Variants in KAZN observed in about 807,000 individuals in gnomAD.
KAZN encodes kazrin.
KAZN carries 40 observed loss-of-function variants against 87.4 expected under a neutral mutation model. The ratio of observed to expected loss-of-function variants is 0.46; its 90% CI spans 0.36 to 0.60. The LOEUF (loss-of-function observed/expected upper bound fraction) is 0.60, where lower values mean the gene tolerates loss of function less well. Ranked by LOEUF, KAZN falls within the 20% of genes least tolerant of loss-of-function variation. The pLI, the probability that KAZN is intolerant of heterozygous loss-of-function variation, is 0.00. For synonymous variants in KAZN, 466 were observed against 458.3 expected, an observed-to-expected ratio of 1.02 and a Z score of -0.22; for missense variants, 898 against 1,073.9, an observed-to-expected ratio of 0.84 and a Z score of 2.29.
chr1:14,728,816 C>T (rs201630868), intron 1 of KAZN, among the ~76,000 whole-genome samples: 15 of 152,172 alleles, frequency 9.9e-5, no homozygotes, highest in Non-Finnish European at 1.0e-4. Flanking sequence ...ACAGTGTCCT[C>T]ATCTGTAAAA....
chr1:14,143,416 G>A (rs1232895054), intron 1 of KAZN, among the ~76,000 whole-genome samples: 4 of 151,964 alleles, frequency 2.6e-5, no homozygotes, highest in African/African-American at 9.7e-5. Flanking sequence ...CTAATACTCT[G>A]GTTTTGTTAT....
intron 1 of KAZN, among the ~76,000 whole-genome samples, chr1:14,093,098 A>G (rs1360650572): frequency 6.6e-6 from 1 of 152,134 alleles, no homozygotes; most frequent in Non-Finnish European, 1.5e-5. Context: ...CTGTGCTCCC[A>G]TGGCGTGTGC....
At chr1:14,312,732 T>TG (rs1237235615) in intron 2 of KAZN, among the ~76,000 whole-genome samples, 2 of 152,134 alleles carry the variant, frequency 1.3e-5, no homozygotes, top group African/African-American at 4.8e-5. Flanking sequence ...GATGGTGACT[T>TG]CCATCTTGGT....
rs148806394 is a variant in KAZN, at chr1:15,056,091, G to A, written c.727G>A (p.Ala243Thr). 3 of 1,603,602 alleles carry A rather than the reference G, an allele frequency of 1.9e-6. No homozygotes were observed. The highest frequency in any genetic ancestry group is 2.6e-6 in the Non-Finnish European group (3 of 1,171,618). Reference sequence around the variant, plus strand: ...CTTCCTGTCTTCTTGCTCTCTCCAGGCCAAACAGTCCTTAGCTACGCTGAC... The same window carrying A: ...CTTCCTGTCTTCTTGCTCTCTCCAGACCAAACAGTCCTTAGCTACGCTGAC... ...MKELEAELAM[A>T]KQSLATLTKD... Residue 243 changes from alanine to threonine, a missense_variant and splice_region_variant, in exon 5 of 15, where the codon GCC becomes ACC. Physicochemically the swap from Ala to Thr is moderately conservative, Grantham distance 58. Transcript: ENST00000376030. This position sits in a 1 kb window ranked among gnomAD's most constrained non-coding sequence, Gnocchi z 5.4.
chr1:14,402,265 A>C (rs1238006772), intron 2 of KAZN, among the ~76,000 whole-genome samples: 1 of 151,814 alleles, frequency 6.6e-6, no homozygotes, highest in African/African-American at 2.4e-5. Flanking sequence ...TCGATGTTAT[A>C]GGAAAAATAG....
chr1:13,984,765 A>AT (rs887823981), intron 1 of KAZN, among the ~76,000 whole-genome samples: 1 of 152,132 alleles, frequency 6.6e-6, no homozygotes, highest in Non-Finnish European at 1.5e-5. Flanking sequence ...TGCAATATAT[A>AT]TTTTTTTGGT....
chr1:14,289,228 G>A (rs576195892), intron 2 of KAZN, among the ~76,000 whole-genome samples: 1 of 152,250 alleles, frequency 6.6e-6, no homozygotes, highest in Admixed American at 6.5e-5. Flanking sequence ...TCAAGTCCTG[G>A]ATATCCTTGT....
chr1:14,863,963 T>C (rs1387958787), intron 1 of KAZN, among the ~76,000 whole-genome samples: 1 of 152,174 alleles, frequency 6.6e-6, no homozygotes, highest in African/African-American at 2.4e-5. Flanking sequence ...AACAGATTCA[T>C]GCATTCATTC....
chr1:14,221,304 G>T (rs10492980), intron 2 of KAZN, among the ~76,000 whole-genome samples: 1,621 of 152,160 alleles, frequency 0.011, 98 homozygotes, highest in Admixed American at 0.099. Flanking sequence ...TGTGCTAGAG[G>T]TTTAGAATAC....
chr1:14,484,681 C>T (rs567991438), intron 2 of KAZN, among the ~76,000 whole-genome samples: 58 of 152,312 alleles, frequency 3.8e-4, no homozygotes, highest in African/African-American at 1.3e-3. Context: ...GACTCGGCTC[C>T]GCAAGGCGCA....
chr1:14,150,152 C>T (rs531602311), intron 1 of KAZN, among the ~76,000 whole-genome samples: 3 of 152,296 alleles, frequency 2.0e-5, no homozygotes, highest in East Asian at 1.9e-4. Flanking sequence ...TTCCCAGAGA[C>T]GAAGGACTTG....
At chr1:14,576,273 G>A (rs1224511948) in intron 2 of KAZN, among the ~76,000 whole-genome samples, 2 of 152,084 alleles carry the variant, frequency 1.3e-5, no homozygotes, top group Non-Finnish European at 2.9e-5. Context: ...TAAACACTCA[G>A]TAAACTAGAA....
chr1:14,440,311 G>A (rs1350421413), intron 2 of KAZN, among the ~76,000 whole-genome samples: 1 of 152,214 alleles, frequency 6.6e-6, no homozygotes, highest in Non-Finnish European at 1.5e-5. Context: ...GAGGATTCCA[G>A]TCCTCCGTGG....
intron 3 of KAZN, among the ~76,000 whole-genome samples, chr1:15,043,363 T>C (rs1054740883): frequency 7.9e-5 from 12 of 152,226 alleles, no homozygotes; most frequent in African/African-American, 2.9e-4. Flanking sequence ...AGTCATTCAA[T>C]CTTTAGAATT....
At chr1:14,891,774 T>C (rs1262616056) in intron 1 of KAZN, among the ~76,000 whole-genome samples, 1 of 152,148 alleles carries the variant, frequency 6.6e-6, no homozygotes, top group Non-Finnish European at 1.5e-5. Flanking sequence ...GATTTATACT[T>C]TTTTTTTCTT....
chr1:13,990,044 A>G (rs1329574077), intron 1 of KAZN, among the ~76,000 whole-genome samples: 3 of 152,226 alleles, frequency 2.0e-5, no homozygotes, highest in African/African-American at 7.2e-5. Flanking sequence ...CAATAGGGAG[A>G]CTGAAACAGA....
At chr1:14,430,213 CAAAAA>C (rs35741487) in intron 2 of KAZN, among the ~76,000 whole-genome samples, 2 of 105,808 alleles carry the variant, frequency 1.9e-5, no homozygotes, top group Admixed American at 1.1e-4. Context: ...GCCCTGCAAC[CAAAAA>C]AAAAAAAAAA....
intron 1 of KAZN, among the ~76,000 whole-genome samples, chr1:14,751,013 G>A (rs182788318): frequency 7.2e-5 from 11 of 152,290 alleles, no homozygotes; most frequent in African/African-American, 2.6e-4. Flanking sequence ...TTGTTACGTG[G>A]CGACGTCATT....
intron 2 of KAZN, among the ~76,000 whole-genome samples, chr1:14,475,535 C>T (rs1668671192): frequency 6.6e-6 from 1 of 152,176 alleles, no homozygotes; most frequent in Admixed American, 6.5e-5. Flanking sequence ...TGCTCAGACT[C>T]AGAGACTTCA....
Sources: allele counts gnomAD v4.1 joint callset (sites outside exome capture counted in the v4.1 genomes callset), GRCh38; gene constraint gnomAD v4.1.1; non-coding constraint Gnocchi (gnomAD v3.1); transcripts MANE v1.5; gene names NCBI Gene and HGNC (gene_info 2026-07-23, HGNC 2026-07-21).